FAT1: variants seen among roughly 807,000 people sequenced by gnomAD.
The protein encoded by FAT1 is protocadherin Fat 1.
In FAT1, 171 loss-of-function variants were observed where a neutral mutation model predicts 329.8. That is an observed-to-expected ratio of 0.52 (90% CI 0.46 to 0.59). The LOEUF is 0.59. Ranked by LOEUF, FAT1 falls within the 20% of genes least tolerant of loss-of-function variation. The probability of loss-of-function intolerance (pLI) is 0.00; values close to 1 mark genes in which losing one functional copy is unlikely to be tolerated. For synonymous variants in FAT1, 2,233 were observed against 2,228.6 expected, an observed-to-expected ratio of 1.00 and a Z score of -0.06; for missense variants, 5,672 against 5,774.4, an observed-to-expected ratio of 0.98 and a Z score of 0.57.
intron 3 of FAT1, among the ~76,000 whole-genome samples, chr4:186,645,376 T>C (rs1442964586): frequency 3.1e-4 from 4 of 12,890 alleles, no homozygotes; most frequent in African/African-American, 4.5e-4. Context: ...CATATATATA[T>C]ATATATATAT....
At position 186,639,019 on chromosome 4, in the gene FAT1, C is replaced by G. The variant is rs939995807; in HGVS notation, c.3642+703G>C. 5.3e-5 allele frequency among the ~76,000 whole-genome samples: 8 copies of G among 149,736 alleles called. No individual in the cohort carries two copies. In the East Asian group the frequency reaches 1.4e-3, roughly 25 times the overall value. On this transcript the variant is annotated intron_variant, in intron 4 of 26. Transcript: ENST00000441802. ...CGCTCCACCTTCCCTCTCCAAATTA[C>G]TCGCGGCCTTTTTCTGCAATGTATT...
intron 7 of FAT1, among the ~76,000 whole-genome samples, chr4:186,629,552 A>G (rs1740488422): frequency 6.6e-6 from 1 of 152,242 alleles, no homozygotes; most frequent in Admixed American, 6.5e-5. Flanking sequence ...ACTGCCAATT[A>G]TAAAACATGC....
chr4:186,689,888 G>A (rs1161675429), intron 2 of FAT1, among the ~76,000 whole-genome samples: 1 of 152,120 alleles, frequency 6.6e-6, no homozygotes, highest in African/African-American at 2.4e-5. Context: ...CACACCATGT[G>A]ACTCTTTAAA....
intron 24 of FAT1, 80 bp downstream of exon 24, chr4:186,597,602 C>A: frequency 1.1e-6 from 1 of 928,850 alleles, no homozygotes; most frequent in Admixed American, 2.0e-5. Context: ...TAGTTCAAAT[C>A]ACTGAAGGTC....
intron 25 of FAT1, 30 bp from the exon 26 acceptor site, chr4:186,595,856 T>C (rs566237123): frequency 3.7e-6 from 6 of 1,612,974 alleles, no homozygotes; most frequent in East Asian, 2.2e-5. Flanking sequence ...ACAGTAAGTA[T>C]ATGGGCCAAG....
chr4:186,696,754 T>G (rs1358925371), intron 2 of FAT1, among the ~76,000 whole-genome samples: 1 of 152,200 alleles, frequency 6.6e-6, no homozygotes, highest in Non-Finnish European at 1.5e-5. Flanking sequence ...CTGGGCACAG[T>G]GGCTCACGCC....
chr4:186,719,591 G>T (rs1376469955), intron 1 of FAT1, among the ~76,000 whole-genome samples: 1 of 152,172 alleles, frequency 6.6e-6, no homozygotes, highest in East Asian at 1.9e-4. Flanking sequence ...AAAAGGAAGG[G>T]GTTGGGAGAA....
rs2126525186 is a variant in FAT1, at chr4:186,621,428, T to A, written c.5158A>T (p.Ile1720Phe). 1 of 1,614,056 alleles carries A rather than the reference T, an allele frequency of 6.2e-7. No individual in the cohort carries two copies. Among genetic ancestry groups the A allele is most frequent in the South Asian group, 1.1e-5 (1 of 91,080 alleles). ...FDINPHSGTI[I>F]TQKALDFETL... is the part of the protein sequence containing the mutation. ...TCAAAGTCCAGGGCTTTCTGAGTGA[T>A]GATAGTTCCAGAATGTGGATTAATA... The change falls in exon 10 of 27, where the codon ATC becomes TTC. Residue 1720 changes from isoleucine (I) to phenylalanine (F), a missense_variant. This residue lies in a region of FAT1 where 3,966 missense variants were observed against 3,915.2 expected (regional missense o/e 1.01). Coordinates refer to ENST00000441802, the MANE Select transcript of FAT1 (RefSeq NM_005245.4).
In FAT1 at chr4:186,621,550, G is replaced by A. The variant is rs145905687; in HGVS notation, c.5036C>T (p.Thr1679Ile). ...SKEYSVELSE[T>I]VSIGSFVGMV... Reference sequence around the variant, plus strand: ...CCCAACGAAACTCCCAATGCTGACAGTTTCACTAAGTTCAACAGAATATTC... The same window carrying A: ...CCCAACGAAACTCCCAATGCTGACAATTTCACTAAGTTCAACAGAATATTC... The change falls in exon 10 of 27, where the codon ACT (threonine) becomes ATT (isoleucine). Residue 1679 changes from threonine (T) to isoleucine (I), a missense_variant. Thr to Ile is a moderately conservative substitution (Grantham distance 89, BLOSUM62 -1). This residue lies in a region of FAT1 where 3,966 missense variants were observed against 3,915.2 expected (regional missense o/e 1.01). Transcript: ENST00000441802. The A allele has an allele frequency of 1.4e-4, 218 of 1,614,002 alleles. 2 individuals are homozygous for A. The East Asian group carries it at 4.8e-3, about 36-fold the overall frequency.
rs997402644 is a variant in FAT1 at position 186,709,290 on chromosome 4, T to C, written c.538A>G (p.Thr180Ala). ...RVSATDADIG[T>A]NGEFYYSFKD... The stretch of plus-strand genomic sequence containing the variant: ...AAACTGTAGTAAAATTCCCCGTTGG[T>C]TCCTATGTCTGCATCCGTGGCGCTG... Residue 180 changes from threonine (T) to alanine (A), a missense_variant, in exon 2 of 27, where the codon ACC (threonine) becomes GCC (alanine). Transcript: ENST00000441802. 24 of 1,613,922 alleles carry C rather than the reference T, an allele frequency of 1.5e-5. No homozygotes were observed. The highest frequency in any genetic ancestry group is 2.0e-5 in the Non-Finnish European group (24 of 1,179,908).
chr4:186,596,544 A>G lies in FAT1; in HGVS notation c.12996T>C (p.Tyr4332=). 1.9e-6 allele frequency: 3 copies of G among 1,611,766 alleles called. No individual in the cohort carries two copies. In the East Asian group the frequency reaches 6.7e-5, roughly 36 times the overall value. The change falls in exon 25 of 27, where the codon TAT becomes TAC. Residue 4332 remains tyrosine (Y), a synonymous_variant. Coordinates refer to ENST00000441802, the MANE Select transcript of FAT1 (RefSeq NM_005245.4). The surrounding 1 kb of genome is among the most constrained non-coding windows in gnomAD (Gnocchi z 4.7). ...SIQKPSWDFD[Y]DTKVVDLDPC... ...AGATGAAAAAGTGGCTCTTACTGTCATAGTCAAAGTCCCAGCTAGGCTTCT... is the reference window on the plus strand; with the variant it reads ...AGATGAAAAAGTGGCTCTTACTGTCGTAGTCAAAGTCCCAGCTAGGCTTCT...
chr4:186,604,010 C>A (rs2126436443), intron 18 of FAT1, 33 bp from the exon 19 acceptor site: 1 of 1,512,380 alleles, frequency 6.6e-7, no homozygotes, highest in South Asian at 1.2e-5. Flanking sequence ...TCACCTTTGT[C>A]TATGGCACTG....
At chr4:186,625,803 C>T (rs1015658984) in intron 9 of FAT1, among the ~76,000 whole-genome samples, 2 of 152,256 alleles carry the variant, frequency 1.3e-5, no homozygotes. Flanking sequence ...AGACTGTATG[C>T]TCTAAAGCAG....
chr4:186,633,579 G>C, intron 7 of FAT1, 105 bp downstream of exon 7: 3 of 1,186,006 alleles, frequency 2.5e-6, no homozygotes, highest in Non-Finnish European at 3.6e-6. Context: ...TCTGATTTTA[G>C]ACCCTCACAG....
chr4:186,667,031 C>A (rs1006890078), intron 2 of FAT1, among the ~76,000 whole-genome samples: 2 of 152,226 alleles, frequency 1.3e-5, no homozygotes, highest in Admixed American at 1.3e-4. Flanking sequence ...ACCTGTTCTA[C>A]ATGTCAGTAT....
rs753323036 is a variant in FAT1 at position 186,709,379 on chromosome 4, G to A, written c.449C>T (p.Ser150Leu). Residue 150 changes from serine (S) to leucine (L), a missense_variant, in exon 2 of 27, where the codon TCA becomes TTA. Around this residue, in one of 2 missense-constraint regions of FAT1, gnomAD observed 3,966 missense variants for 3,915.2 expected, o/e 1.01. Coordinates refer to ENST00000441802, the MANE Select transcript of FAT1 (RefSeq NM_005245.4). ...TAAAGAAACGCTGTATGAGGTGGGT[G>A]AGAATAACGGTCTCAAGTCATTTGT... ...LDTNDLRPLF[S>L]PTSYSVSLPE... 3 of 1,613,962 alleles carry A rather than the reference G, an allele frequency of 1.9e-6. No homozygotes were observed. The highest frequency in any genetic ancestry group is 2.5e-6 in the Non-Finnish European group (3 of 1,179,894).
Position 186,636,650 on chromosome 4 carries a change from C to T in FAT1, c.3907G>A (p.Glu1303Lys), listed in dbSNP as rs1321370436. 25 of 1,613,880 alleles carry T rather than the reference C, an allele frequency of 1.5e-5. No homozygotes were observed. The highest frequency in any genetic ancestry group is 2.2e-5 in the South Asian group (2 of 91,060). Residue 1303 changes from glutamate (E) to lysine (K), a missense_variant, in exon 5 of 27, where the codon GAA becomes AAA. Glu to Lys is a moderately conservative substitution (Grantham distance 56). This residue lies in a region of FAT1 where 3,966 missense variants were observed against 3,915.2 expected (regional missense o/e 1.01). Coordinates refer to ENST00000441802, the MANE Select transcript of FAT1 (RefSeq NM_005245.4). Reference sequence around the variant, plus strand: ...GACGAAACCACTCCAGTTTTCGGTTCGATGAAAAATTTGCCATGCTCATTC... The same window carrying T: ...GACGAAACCACTCCAGTTTTCGGTTTGATGAAAAATTTGCCATGCTCATTC... ...DGNEHGKFFI[E>K]PKTGVVSSKR... is the part of the protein sequence containing the mutation.
chr4:186,701,263 C>A (rs1194724585), intron 2 of FAT1, among the ~76,000 whole-genome samples: 1 of 152,118 alleles, frequency 6.6e-6, no homozygotes. Flanking sequence ...GAAATTGTTA[C>A]CACGCCCTGC....
At chr4:186,702,346 GT>G (rs1333842867) in intron 2 of FAT1, among the ~76,000 whole-genome samples, 1 of 152,152 alleles carries the variant, frequency 6.6e-6, no homozygotes, top group Non-Finnish European at 1.5e-5. Flanking sequence ...GCAGTAATAT[GT>G]TTAGAGATCT....
Sources: allele counts gnomAD v4.1 joint callset (sites outside exome capture counted in the v4.1 genomes callset), GRCh38; gene constraint gnomAD v4.1.1; regional missense constraint gnomAD v4.1.1; non-coding constraint Gnocchi (gnomAD v3.1); transcripts MANE v1.5; gene names NCBI Gene and HGNC (gene_info 2026-07-23, HGNC 2026-07-21).